The following PCDHGB3 variants were observed in gnomAD, a reference collection of about 807,000 sequenced individuals.
PCDHGB3 encodes protocadherin gamma-B3.
Under a neutral mutation model 59.2 loss-of-function variants are expected in PCDHGB3, and 40 were observed. The ratio of observed to expected loss-of-function variants is 0.68; its 90% CI spans 0.52 to 0.88. PCDHGB3 has a LOEUF of 0.88. Ranked by LOEUF, PCDHGB3 falls within the 40% of genes least tolerant of loss-of-function variation. The pLI, the probability that PCDHGB3 is intolerant of heterozygous loss-of-function variation, is 0.00. For synonymous variants in PCDHGB3, 581 were observed against 503.6 expected, an observed-to-expected ratio of 1.15 and a Z score of -2.06; for missense variants, 1,309 against 1,187.9, an observed-to-expected ratio of 1.10 and a Z score of -1.50.
rs749528675 is a variant in PCDHGB3, at chr5:141,490,604, A to G, written c.2416-4203A>G. On this transcript the variant is annotated intron_variant, in intron 1 of 3. Coordinates refer to ENST00000576222, the MANE Select transcript of PCDHGB3 (RefSeq NM_018924.5). This position sits in a 1 kb window ranked among gnomAD's most constrained non-coding sequence, Gnocchi z 5.4. ...GTCAATGACAATGCACCCCGCTTCA[A>G]CCAGCAGCTTTACACTGCTTACATC... is the stretch of plus-strand genomic sequence containing the variant. 13 of 1,614,192 alleles carry G rather than the reference A, an allele frequency of 8.1e-6. No homozygotes were observed. Among genetic ancestry groups the G allele is most frequent in the Non-Finnish European group, 1.1e-5 (13 of 1,180,022 alleles).
intron 1 of PCDHGB3, chr5:141,412,443 T>C (rs1479281650): frequency 6.6e-6 from 1 of 152,204 alleles, no homozygotes; most frequent in Non-Finnish European, 1.5e-5. Context: ...TAATTAAGGC[T>C]CAGTAAAACT....
chr5:141,404,771 C>T lies in PCDHGB3; in HGVS notation c.2415+31962C>T, dbSNP rs376650362. On this transcript the variant is annotated intron_variant, in intron 1 of 3. Coordinates refer to ENST00000576222, the MANE Select transcript of PCDHGB3 (RefSeq NM_018924.5). Reference sequence around the variant, plus strand: ...AGGCCAGAATGCTTGGCTCTCCTACCGCCTATTCAAGGCCAGTGAGCCAGG... The same window carrying T: ...AGGCCAGAATGCTTGGCTCTCCTACTGCCTATTCAAGGCCAGTGAGCCAGG... The T allele has an allele frequency of 3.3e-5, 53 of 1,613,868 alleles. No homozygotes were observed. Among genetic ancestry groups the T allele is most frequent in the African/African-American group, 1.9e-4 (14 of 74,938 alleles).
chr5:141,429,389 A>ATTT (rs1561841246), intron 1 of PCDHGB3, among the ~76,000 whole-genome samples: 155 of 147,652 alleles, frequency 1.0e-3, no homozygotes, highest in African/African-American at 3.7e-3. Flanking sequence ...TTTTTTTTTA[A>ATTT]AAAAAATTGA....
chr5:141,480,265 A>G (rs1041908141), intron 1 of PCDHGB3, among the ~76,000 whole-genome samples: 2 of 151,784 alleles, frequency 1.3e-5, no homozygotes, highest in African/African-American at 2.4e-5. Context: ...ATGTGTTTTC[A>G]TTAGCTGGGT....
At chr5:141,416,576 A>C (rs1300203182) in intron 1 of PCDHGB3, 2 of 152,204 alleles carry the variant, frequency 1.3e-5, no homozygotes, top group Non-Finnish European at 2.9e-5. Flanking sequence ...TGAAATTGAG[A>C]GGCAAAATAA....
chr5:141,425,956 C>T (rs1221085532), intron 1 of PCDHGB3, among the ~76,000 whole-genome samples: 1 of 152,244 alleles, frequency 6.6e-6, no homozygotes, highest in Non-Finnish European at 1.5e-5. Flanking sequence ...ATACATTAGT[C>T]CAACACATCA....
chr5:141,442,797 G>A (rs140116155), intron 1 of PCDHGB3, among the ~76,000 whole-genome samples: 1,916 of 152,222 alleles, frequency 0.013, 22 homozygotes, highest in Non-Finnish European at 0.02. Context: ...ATTTTACTTT[G>A]ATATTCAAAT....
At chr5:141,401,532 A>G (rs1461153273) in intron 1 of PCDHGB3, among the ~76,000 whole-genome samples, 2 of 152,260 alleles carry the variant, frequency 1.3e-5, no homozygotes, top group Non-Finnish European at 2.9e-5. Context: ...GAAGAAACTT[A>G]CAAAAAAAAG....
chr5:141,478,163 C>G (rs779617960), intron 1 of PCDHGB3: 22 of 1,614,028 alleles, frequency 1.4e-5, no homozygotes, highest in Non-Finnish European at 1.9e-5. Context: ...TGGCTCTGCC[C>G]CCCGGGAGCA....
At chr5:141,420,275 G>T in intron 1 of PCDHGB3, 1 of 1,524,576 alleles carries the variant, frequency 6.6e-7, no homozygotes, top group Non-Finnish European at 8.9e-7. Flanking sequence ...TCTTAAACAG[G>T]TAAGTATTTA....
At chr5:141,433,253 G>C (rs1288721469) in intron 1 of PCDHGB3, 1 of 1,416,466 alleles carries the variant, frequency 7.1e-7, no homozygotes, top group East Asian at 2.3e-5. Flanking sequence ...GAATGCAGCG[G>C]TACGATCATA....
chr5:141,445,416 T>C lies in PCDHGB3; in HGVS notation c.2416-49391T>C, dbSNP rs190826518. ...TAACAAATATTTATTAACTGTCTGC[T>C]ATATGCAAGGCACTGACCTATGGAC... On this transcript the variant is annotated intron_variant, in intron 1 of 3. Coordinates refer to ENST00000576222, the MANE Select transcript of PCDHGB3 (RefSeq NM_018924.5). 2.2e-3 allele frequency among the ~76,000 whole-genome samples: 336 copies of C among 152,342 alleles called. 1 individual carries two copies. The highest frequency in any genetic ancestry group is 0.01 in the Middle Eastern group (3 of 294).
At chr5:141,419,901 C>A (rs2096446114) in intron 1 of PCDHGB3, 5 of 1,614,108 alleles carry the variant, frequency 3.1e-6, no homozygotes, top group Non-Finnish European at 4.2e-6. Flanking sequence ...CATCCCACAC[C>A]CTCTGACTCC....
intron 1 of PCDHGB3, chr5:141,409,809 A>G: frequency 1.2e-6 from 2 of 1,611,542 alleles, no homozygotes; most frequent in Non-Finnish European, 1.7e-6. Context: ...CAGGCCCGCG[A>G]CCACGGCTCG....
Position 141,399,437 on chromosome 5 carries a change from A to T in PCDHGB3, c.2415+26628A>T, listed in dbSNP as rs780100815. The stretch of plus-strand genomic sequence containing the variant: ...TCCTCCAGCATAAGCGTCATCCTAC[A>T]TATCAGAGACGTCAACGATAACGCT... On this transcript the variant is annotated intron_variant, in intron 1 of 3. Coordinates refer to ENST00000576222, the MANE Select transcript of PCDHGB3 (RefSeq NM_018924.5). 22 of 1,613,998 alleles carry T rather than the reference A, an allele frequency of 1.4e-5. No individual in the cohort carries two copies. The South Asian group carries it at 2.2e-4, about 16-fold the overall frequency.
rs1767815270 is a variant in PCDHGB3, at chr5:141,371,519, T to C, written c.1125T>C (p.Asp375=). The part of the protein sequence containing the change: ...AVALIKTHDL[D]SGFNGEILCQ... ...CCCTGATCAAAACACATGATCTAGATTCTGGATTTAATGGAGAAATCCTAT... is the reference window on the plus strand; with the variant it reads ...CCCTGATCAAAACACATGATCTAGACTCTGGATTTAATGGAGAAATCCTAT... The change falls in exon 1 of 4, where the codon GAT becomes GAC. Residue 375 remains aspartate, a synonymous_variant. Transcript: ENST00000576222. The C allele has an allele frequency of 3.1e-6, 5 of 1,613,838 alleles. No homozygotes were observed. The highest frequency in any genetic ancestry group is 1.6e-4 in the Middle Eastern group (1 of 6,062).
intron 1 of PCDHGB3, chr5:141,414,536 C>T (rs2095757034): frequency 6.2e-7 from 1 of 1,613,976 alleles, no homozygotes; most frequent in African/African-American, 1.3e-5. Context: ...GACAACCCAC[C>T]TACCTTCTCT....
intron 1 of PCDHGB3, chr5:141,427,227 A>G (rs111948686): frequency 8.8e-6 from 4 of 456,798 alleles, no homozygotes; most frequent in African/African-American, 4.0e-5. Flanking sequence ...CAGTTATACC[A>G]TGAGAGTAGA....
chr5:141,373,898 A>T (rs1039826496), intron 1 of PCDHGB3: 1 of 541,044 alleles, frequency 1.8e-6, no homozygotes, highest in Non-Finnish European at 3.1e-6. Context: ...CTCAAGTTAC[A>T]TCCTCCAACA....
Sources: allele counts gnomAD v4.1 joint callset (sites outside exome capture counted in the v4.1 genomes callset), GRCh38; gene constraint gnomAD v4.1.1; non-coding constraint Gnocchi (gnomAD v3.1); transcripts MANE v1.5; gene names NCBI Gene and HGNC (gene_info 2026-07-23, HGNC 2026-07-21).